The following TASL variants were observed in gnomAD, a reference collection of about 807,000 sequenced individuals.
The protein encoded by TASL is TLR adapter interacting with SLC15A4 on the lysosome.
A neutral mutation model predicts 12.9 loss-of-function variants in TASL; 6 were observed. The observed-to-expected ratio is 0.46, with a 90% CI of 0.25 to 0.92. The LOEUF (loss-of-function observed/expected upper bound fraction) is 0.92. Among genes scored for constraint, TASL ranks in the 40% least tolerant of loss-of-function variants. The probability of loss-of-function intolerance (pLI) is 0.17; values close to 1 mark genes in which losing one functional copy is unlikely to be tolerated. For synonymous variants in TASL, 85 were observed against 79.3 expected (o/e 1.07, Z -0.38); for missense variants, 165 against 212.8 (o/e 0.78, Z 1.40).
intron 2 of TASL, among the ~76,000 whole-genome samples, chrX:30,565,066 C>T (rs781372602): frequency 1.8e-5 from 2 of 111,875 alleles, no homozygotes; most frequent in South Asian, 3.7e-4. Flanking sequence ...AGGCTCCTCC[C>T]CAAATCCATC....
chrX:30,564,102 A>T (rs1021679502), intron 2 of TASL, among the ~76,000 whole-genome samples: 3 of 111,950 alleles, frequency 2.7e-5, no homozygotes, highest in African/African-American at 9.7e-5. Context: ...TTAAAGAGTT[A>T]AGGTATAATA....
At chrX:30,571,607 G>A (rs1313665868) in intron 2 of TASL, among the ~76,000 whole-genome samples, 3 of 80,960 alleles carry the variant, frequency 3.7e-5, no homozygotes, top group African/African-American at 1.5e-4. Flanking sequence ...CAGCCGGGGC[G>A]ATAGAACGAG....
chrX:30,568,612 CCATT>C (rs1196949840), intron 2 of TASL, among the ~76,000 whole-genome samples: 2 of 110,701 alleles, frequency 1.8e-5, no homozygotes, highest in African/African-American at 6.6e-5. Flanking sequence ...CCCCTTATCC[CCATT>C]CAGACACACT....
Position 30,559,609 on chromosome X carries a change from T to A in TASL, c.747A>T (p.Val249=). The change falls in exon 3 of 3, where the codon GTA becomes GTT. Residue 249 remains valine, a synonymous_variant. Coordinates refer to ENST00000378962, the MANE Select transcript of TASL (RefSeq NM_025159.3). ...TAGACACTTGAAGACTGATTTGGTCTACACTTGTCATGATGAGTTCAGACG... is the reference window on the plus strand; with the variant it reads ...TAGACACTTGAAGACTGATTTGGTCAACACTTGTCATGATGAGTTCAGACG... The part of the protein sequence containing the change: ...ILASELIMTS[V]DQISLQVSRE... 8.3e-7 allele frequency: 1 copy of A among 1,211,109 alleles called. No individual in the cohort carries two copies. The highest frequency in any genetic ancestry group is 1.1e-6 in the Non-Finnish European group (1 of 895,105).
Position 30,559,643 on chromosome X carries a change from T to C in TASL, c.713A>G (p.Gln238Arg). The C allele has an allele frequency of 1.2e-5, 15 of 1,209,736 alleles. No homozygotes were observed. Among genetic ancestry groups the C allele is most frequent in the Non-Finnish European group, 1.7e-5 (15 of 893,985 alleles). Reference sequence around the variant, plus strand: ...CATGATGAGTTCAGACGCCAGAATCTGGGTAGGAGAACTGTCATGAAACAC... The same window carrying C: ...CATGATGAGTTCAGACGCCAGAATCCGGGTAGGAGAACTGTCATGAAACAC... ...DTVFHDSSPTQILASELIMTS... is the reference protein window; with the variant it reads ...DTVFHDSSPTRILASELIMTS... Residue 238 changes from glutamine to arginine, a missense_variant, in exon 3 of 3, where the codon CAG (glutamine) becomes CGG (arginine). Coordinates refer to ENST00000378962, the MANE Select transcript of TASL (RefSeq NM_025159.3).
At chrX:30,571,256 G>GAGAA (rs58163494) in intron 2 of TASL, among the ~76,000 whole-genome samples, 718 of 36,732 alleles carry the variant, frequency 0.02, 26 homozygotes, top group South Asian at 0.025. Flanking sequence ...GAGAAAGAAA[G>GAGAA]AGAAAGAAAG....
intron 2 of TASL, among the ~76,000 whole-genome samples, chrX:30,573,942 A>G (rs1412661318): frequency 8.9e-6 from 1 of 111,827 alleles, no homozygotes; most frequent in Non-Finnish European, 1.9e-5. Flanking sequence ...AATAAATTAA[A>G]TAAATAAACA....
intron 2 of TASL, among the ~76,000 whole-genome samples, chrX:30,576,183 T>C: frequency 8.9e-6 from 1 of 112,138 alleles, no homozygotes; most frequent in Non-Finnish European, 1.9e-5. Context: ...AAAATTTGAA[T>C]GTGTATCACA....
At chrX:30,571,284 AAG>A (rs780336087) in intron 2 of TASL, among the ~76,000 whole-genome samples, 5,660 of 85,441 alleles carry the variant, frequency 0.066, 221 homozygotes, top group South Asian at 0.11. Flanking sequence ...GAAAGAAAGA[AAG>A]AAAGAAAGAA....
chrX:30,576,277 A>G (rs1930703402), intron 2 of TASL, among the ~76,000 whole-genome samples: 1 of 111,696 alleles, frequency 9.0e-6, no homozygotes, highest in Non-Finnish European at 1.9e-5. Context: ...TTTAGGAGAT[A>G]CATGCTCAAG....
chrX:30,570,667 G>C (rs898810191), intron 2 of TASL, among the ~76,000 whole-genome samples: 3 of 111,720 alleles, frequency 2.7e-5, no homozygotes, highest in Non-Finnish European at 5.6e-5. Context: ...AATAAAGTGA[G>C]CATTAATCAG....
At chrX:30,571,278 GAA>G (rs1555998462) in intron 2 of TASL, among the ~76,000 whole-genome samples, 5 of 74,594 alleles carry the variant, frequency 6.7e-5, no homozygotes, top group Non-Finnish European at 1.3e-4. Context: ...AAGAAAGAAA[GAA>G]AGAAAGAAAG....
At chrX:30,570,234 T>TCA (rs1345226843) in intron 2 of TASL, among the ~76,000 whole-genome samples, 340 of 64,174 alleles carry the variant, frequency 5.3e-3, no homozygotes, top group African/African-American at 0.02. Context: ...ATACTCTCTC[T>TCA]CTCACACACA....
chrX:30,560,577 T>C (rs1346315299), intron 2 of TASL, among the ~76,000 whole-genome samples: 1 of 107,326 alleles, frequency 9.3e-6, no homozygotes, highest in Non-Finnish European at 1.9e-5. Flanking sequence ...TTTCCCACTA[T>C]AGGAAAAAAT....
chrX:30,562,879 G>A (rs192493847), intron 2 of TASL, among the ~76,000 whole-genome samples: 17 of 96,583 alleles, frequency 1.8e-4, no homozygotes, highest in Non-Finnish European at 2.9e-4. Context: ...ACAATAAATG[G>A]TTTTTAAAAA....
chrX:30,566,455 C>A (rs1930499023), intron 2 of TASL, among the ~76,000 whole-genome samples: 1 of 110,591 alleles, frequency 9.0e-6, no homozygotes, highest in Admixed American at 9.6e-5. Context: ...TGCAGTGAGC[C>A]GAGATTGAGC....
At chrX:30,571,309 A>AGAAAGAAAGAAAGAAAGAAG (rs1569306199) in intron 2 of TASL, among the ~76,000 whole-genome samples, 16 of 106,086 alleles carry the variant, frequency 1.5e-4, no homozygotes, top group African/African-American at 5.5e-4. Context: ...AAAGAAAGAA[A>AGAAAGAAAGAAAGAAAGAAG]GAAAGAAAGA....
chrX:30,559,295 G>T lies in TASL; in HGVS notation c.*155C>A, dbSNP rs949426771. On this transcript the variant is annotated 3_prime_UTR_variant, in exon 3 of 3. Coordinates refer to ENST00000378962, the MANE Select transcript of TASL (RefSeq NM_025159.3). ...TCCTTCATCAAGTGTAATATTATGA[G>T]ATTTCTCCATGATTCACACATGACT... 5 of 427,320 alleles carry T rather than the reference G, an allele frequency of 1.2e-5. No individual in the cohort carries two copies. The highest frequency in any genetic ancestry group is 2.0e-5 in the Non-Finnish European group (5 of 247,596). 35.2% of individuals were successfully genotyped at this position (427,320 alleles called of 1,213,427 possible). A position where few individuals can be genotyped will look rare whatever the true frequency, so the allele number is the denominator to read the frequency against.
intron 2 of TASL, among the ~76,000 whole-genome samples, 174 bp downstream of exon 2, chrX:30,576,578 A>T (rs1274192660): frequency 2.7e-5 from 3 of 111,759 alleles, no homozygotes; most frequent in Non-Finnish European, 5.6e-5. Flanking sequence ...GGAAAAAACC[A>T]TATTTAGTTA....
Sources: allele counts gnomAD v4.1 joint callset (sites outside exome capture counted in the v4.1 genomes callset), GRCh38; gene constraint gnomAD v4.1.1; transcripts MANE v1.5; gene names NCBI Gene and HGNC (gene_info 2026-07-23, HGNC 2026-07-21).